The following ACSBG2 variants were observed in gnomAD, a reference collection of about 807,000 sequenced individuals.
ACSBG2 encodes long-chain-fatty-acid--CoA ligase ACSBG2.
In ACSBG2, 62 loss-of-function variants were observed where a neutral mutation model predicts 74.7. The ratio of observed to expected loss-of-function variants is 0.83; its 90% CI spans 0.68 to 1.03. The LOEUF (loss-of-function observed/expected upper bound fraction) is 1.03. Among genes scored for constraint, ACSBG2 ranks in the 50% least tolerant of loss-of-function variants. The pLI is 0.00. For synonymous variants in ACSBG2, 309 were observed against 294.1 expected, an observed-to-expected ratio of 1.05 and a Z score of -0.52; for missense variants, 730 against 817.6, an observed-to-expected ratio of 0.89 and a Z score of 1.31.
chr19:6,142,625 T>C (rs1044544311), intron 2 of ACSBG2, among the ~76,000 whole-genome samples: 1 of 151,272 alleles, frequency 6.6e-6, no homozygotes. Flanking sequence ...TGGTGGCGGG[T>C]GCCTATAGTC....
intron 7 of ACSBG2, among the ~76,000 whole-genome samples, chr19:6,170,777 T>C (rs932219995): frequency 1.3e-5 from 2 of 152,144 alleles, no homozygotes; most frequent in African/African-American, 4.8e-5. Context: ...ACTGTCCAAT[T>C]TAGTCTAGTA....
intron 7 of ACSBG2, among the ~76,000 whole-genome samples, chr19:6,170,683 G>A (rs571728571): frequency 5.9e-5 from 9 of 152,230 alleles, no homozygotes; most frequent in Admixed American, 3.3e-4. Context: ...CTTAGAGAAC[G>A]TTCCATGTGC....
rs942769573 is a variant in ACSBG2 at position 6,180,940 on chromosome 19, G to A, written c.907-1811G>A. Among the ~76,000 whole-genome samples the A allele has an allele frequency of 1.3e-5, 2 of 151,508 alleles. No homozygotes were observed. The highest frequency in any genetic ancestry group is 2.9e-5 in the Non-Finnish European group (2 of 67,934). ...AAGCCAGGCACGGCGGCTCACGCCT[G>A]TAATCCCAGTACTTTGGGAGGCCAA... is the stretch of plus-strand genomic sequence containing the variant. On this transcript the variant is annotated intron_variant, in intron 8 of 14. Coordinates refer to ENST00000588485, the MANE Select transcript of ACSBG2 (RefSeq NM_030924.5). This position sits in a 1 kb window ranked among gnomAD's most constrained non-coding sequence, Gnocchi z 4.3.
intron 2 of ACSBG2, among the ~76,000 whole-genome samples, chr19:6,145,337 G>T (rs1366911368): frequency 6.6e-6 from 1 of 151,684 alleles, no homozygotes; most frequent in Non-Finnish European, 1.5e-5. Flanking sequence ...TGGAGGTTGC[G>T]GTGAGCTCGC....
intron 11 of ACSBG2, among the ~76,000 whole-genome samples, chr19:6,186,623 G>C (rs1362366475): frequency 3.3e-5 from 5 of 152,218 alleles, no homozygotes; most frequent in African/African-American, 1.2e-4. Flanking sequence ...AAGGTCAGCT[G>C]GCTTCAGGCA....
chr19:6,145,693 C>T (rs554502319), intron 2 of ACSBG2, among the ~76,000 whole-genome samples: 2 of 152,304 alleles, frequency 1.3e-5, no homozygotes, highest in South Asian at 4.2e-4. Flanking sequence ...TCAGTGTCAA[C>T]CCTTACTCAT....
At chr19:6,148,104 G>C (rs980275081) in intron 3 of ACSBG2, 1 of 181,478 alleles carries the variant, frequency 5.5e-6, no homozygotes, top group African/African-American at 2.4e-5. Context: ...GAGAATTTAG[G>C]AGCTACTTTG....
At chr19:6,167,011 C>T (rs780887547) in intron 7 of ACSBG2, among the ~76,000 whole-genome samples, 11 of 152,122 alleles carry the variant, frequency 7.2e-5, no homozygotes, top group Non-Finnish European at 1.6e-4. Flanking sequence ...TACTCACAGG[C>T]ACAATCATCA....
chr19:6,189,006 T>TG (rs2090482000), intron 13 of ACSBG2, among the ~76,000 whole-genome samples: 1 of 152,094 alleles, frequency 6.6e-6, no homozygotes, highest in Non-Finnish European at 1.5e-5. Context: ...ATTGGGTTTT[T>TG]TGTGTGTGTG....
chr19:6,182,431 T>C (rs747443801), intron 8 of ACSBG2, among the ~76,000 whole-genome samples: 10 of 152,232 alleles, frequency 6.6e-5, no homozygotes, highest in Admixed American at 2.6e-4. Flanking sequence ...TTTCTTTGTG[T>C]GCCTGAGTCT....
chr19:6,190,321 C>A, intron 13 of ACSBG2: 3 of 414,752 alleles, frequency 7.2e-6, no homozygotes, highest in Non-Finnish European at 9.1e-6. Context: ...ATCCCTCCTC[C>A]ATTGGGTGCA....
chr19:6,167,942 T>C, intron 7 of ACSBG2, among the ~76,000 whole-genome samples: 1 of 151,424 alleles, frequency 6.6e-6, no homozygotes, highest in Non-Finnish European at 1.5e-5. Context: ...TTCCACCCCA[T>C]CCGGTTACCC....
intron 11 of ACSBG2, 136 bp from the exon 12 acceptor site, chr19:6,187,147 G>C: frequency 1.7e-6 from 2 of 1,166,924 alleles, no homozygotes; most frequent in Non-Finnish European, 2.4e-6. Context: ...TGGGATTACA[G>C]GTGCACACCA....
At chr19:6,145,666 C>G (rs1358586445) in intron 2 of ACSBG2, among the ~76,000 whole-genome samples, 5 of 152,134 alleles carry the variant, frequency 3.3e-5, no homozygotes, top group African/African-American at 9.7e-5. Flanking sequence ...CCAGAGGAAA[C>G]CCTGTTCTCT....
intron 2 of ACSBG2, among the ~76,000 whole-genome samples, chr19:6,146,411 G>A (rs2089033132): frequency 6.6e-6 from 1 of 151,084 alleles, no homozygotes; most frequent in Admixed American, 6.6e-5. Flanking sequence ...TGTAGGTCGG[G>A]GTGAGCCAAG....
chr19:6,144,607 C>T (rs2088962747), intron 2 of ACSBG2, among the ~76,000 whole-genome samples: 1 of 152,234 alleles, frequency 6.6e-6, no homozygotes, highest in Non-Finnish European at 1.5e-5. Flanking sequence ...TTGTTTCAGA[C>T]ACCCGGTCTG....
chr19:6,158,729 A>T (rs2089510636), intron 5 of ACSBG2, among the ~76,000 whole-genome samples: 1 of 152,036 alleles, frequency 6.6e-6, no homozygotes, highest in South Asian at 2.1e-4. Flanking sequence ...GCATTCTCTG[A>T]TCACTACTGG....
intron 4 of ACSBG2, among the ~76,000 whole-genome samples, chr19:6,155,781 C>A (rs1474814833): frequency 8.5e-6 from 1 of 117,456 alleles, no homozygotes; most frequent in Non-Finnish European, 1.7e-5. Context: ...CCGAGCTAGA[C>A]CCTGTCTCAA....
At chr19:6,138,979 T>G (rs987708253) in intron 1 of ACSBG2, among the ~76,000 whole-genome samples, 2 of 152,190 alleles carry the variant, frequency 1.3e-5, no homozygotes, top group Non-Finnish European at 2.9e-5. Context: ...TGTAGCTTGG[T>G]CTGGATCTGC....
Sources: allele counts gnomAD v4.1 joint callset (sites outside exome capture counted in the v4.1 genomes callset), GRCh38; gene constraint gnomAD v4.1.1; non-coding constraint Gnocchi (gnomAD v3.1); transcripts MANE v1.5; gene names NCBI Gene and HGNC (gene_info 2026-07-23, HGNC 2026-07-21).